The following KLF16 variants were observed in gnomAD, a reference collection of about 807,000 sequenced individuals.
KLF16 encodes the protein Krueppel-like factor 16.
A neutral mutation model predicts 6.1 loss-of-function variants in KLF16; 6 were observed. That is an observed-to-expected ratio of 0.98 (90% CI 0.54 to 1.93). KLF16 has a LOEUF of 1.93. KLF16 is among the 30% of genes most tolerant of loss of function. The pLI, the probability that KLF16 is intolerant of heterozygous loss-of-function variation, is 0.01. For synonymous variants in KLF16, 211 were observed against 176.5 expected (o/e 1.20, Z -1.55); for missense variants, 355 against 363.8 (o/e 0.98, Z 0.20).
chr19:1,856,628 C>T (rs778492656), intron 1 of KLF16, among the ~76,000 whole-genome samples: 6 of 152,212 alleles, frequency 3.9e-5, no homozygotes, highest in Non-Finnish European at 8.8e-5. Context: ...AAGCAAGAGG[C>T]GCAGAGCAGC....
chr19:1,860,599 G>T (rs1003397983), intron 1 of KLF16, among the ~76,000 whole-genome samples: 1 of 152,100 alleles, frequency 6.6e-6, no homozygotes, highest in Non-Finnish European at 1.5e-5. Flanking sequence ...AGCCACCGGT[G>T]ACTCGGGTTC....
At chr19:1,875,285 G>A in the KLF16 span, 1 of 152,250 alleles carries the variant, frequency 6.6e-6, no homozygotes, top group African/African-American at 2.4e-5. Context: ...TACAGGAAAG[G>A]GGATAAAGTC....
In KLF16 at chr19:1,857,610, G is replaced by A. The variant is rs2145365546; in HGVS notation, c.458-2850C>T. 6.6e-6 allele frequency among the ~76,000 whole-genome samples: 1 copy of A among 152,264 alleles called. No individual in the cohort carries two copies. The highest frequency in any genetic ancestry group is 2.1e-4 in the South Asian group (1 of 4,826). ...AGACAGGACTGCGGGACTGTGCCAA[G>A]GGCCCTGGTTCCGACAGGGAAGCCT... On this transcript the variant is annotated intron_variant, in intron 1 of 1. Transcript: ENST00000250916. The surrounding 1 kb of genome is among the most constrained non-coding windows in gnomAD (Gnocchi z 4.7).
the KLF16 span, among the ~76,000 whole-genome samples, chr19:1,870,283 A>G: frequency 6.6e-6 from 1 of 152,082 alleles, no homozygotes; most frequent in Non-Finnish European, 1.5e-5. Flanking sequence ...GACTGGACTG[A>G]ATAATAATAA....
upstream of KLF16, among the ~76,000 whole-genome samples, chr19:1,866,977 C>T (rs555475179): frequency 3.6e-4 from 55 of 152,256 alleles, no homozygotes; most frequent in African/African-American, 1.3e-3. Flanking sequence ...TCCCTGACAG[C>T]GCCCAAGAGG....
chr19:1,860,100 G>A (rs1374330633), intron 1 of KLF16: 5 of 149,664 alleles, frequency 3.3e-5, no homozygotes, highest in Admixed American at 2.6e-4. Flanking sequence ...ACGGTGTGCC[G>A]GGCACTGGCA....
upstream of KLF16, among the ~76,000 whole-genome samples, chr19:1,863,887 C>T (rs1291874718): frequency 6.8e-6 from 1 of 148,026 alleles, no homozygotes; most frequent in East Asian, 2.0e-4. Flanking sequence ...AGCGCGCCTT[C>T]TCCGCGCTAG....
At chr19:1,859,312 G>A (rs1403038318) in intron 1 of KLF16, among the ~76,000 whole-genome samples, 1 of 152,012 alleles carries the variant, frequency 6.6e-6, no homozygotes, top group African/African-American at 2.4e-5. Context: ...CAGAAACCTG[G>A]CAGGCACTCA....
Position 1,854,141 on chromosome 19 carries a change from G to C in KLF16, c.*318C>G, listed in dbSNP as rs1008940986. ...CACCCCCCCAAACCCCACCCCGGGAGGGGGGCAGCAGGGGGTGGTGGAGAG... is the reference window on the plus strand; with the variant it reads ...CACCCCCCCAAACCCCACCCCGGGACGGGGGCAGCAGGGGGTGGTGGAGAG... On this transcript the variant is annotated 3_prime_UTR_variant, in exon 2 of 2. Coordinates refer to ENST00000250916, the MANE Select transcript of KLF16 (RefSeq NM_031918.4). 9.8e-6 allele frequency: 3 copies of C among 307,610 alleles called. No homozygotes were observed. Among genetic ancestry groups the C allele is most frequent in the Non-Finnish European group, 1.8e-5 (3 of 169,274 alleles). The allele number at this position is 307,610 out of a possible 1,614,324, so 19.1% of individuals were successfully genotyped here. A position where few individuals can be genotyped will look rare whatever the true frequency, so the allele number is the denominator to read the frequency against.
Position 1,852,827 on chromosome 19 carries a change from A to T in KLF16, c.*1632T>A, listed in dbSNP as rs2011862499. On this transcript the variant is annotated 3_prime_UTR_variant, in exon 2 of 2. Coordinates refer to ENST00000250916, the MANE Select transcript of KLF16 (RefSeq NM_031918.4). ...GGGCTGGATGGGGCAGGACCCTCCG[A>T]GCCCAGCTCCAGAAGGGCGTCCCCT... The T allele has an allele frequency of 6.6e-6, 1 of 152,096 alleles. No individual in the cohort carries two copies. Among genetic ancestry groups the T allele is most frequent in the African/African-American group, 2.4e-5 (1 of 41,360 alleles). 9.4% of individuals were successfully genotyped at this position (152,096 alleles called of 1,614,324 possible). A position where few individuals can be genotyped will look rare whatever the true frequency, so the allele number is the denominator to read the frequency against.
At chr19:1,856,189 C>T (rs2011946137) in intron 1 of KLF16, among the ~76,000 whole-genome samples, 3 of 151,984 alleles carry the variant, frequency 2.0e-5, no homozygotes, top group Admixed American at 1.3e-4. Flanking sequence ...ACAGAGACGG[C>T]GGGAGGGGCA....
intron 1 of KLF16, chr19:1,861,541 G>T (rs1174445545): frequency 6.6e-6 from 1 of 152,208 alleles, no homozygotes; most frequent in Non-Finnish European, 1.5e-5. Flanking sequence ...AACACCCTGG[G>T]ACCCCTCCGC....
the KLF16 span, among the ~76,000 whole-genome samples, chr19:1,870,454 T>C: frequency 2.6e-5 from 4 of 151,110 alleles, no homozygotes; most frequent in Non-Finnish European, 4.4e-5. Flanking sequence ...GGAGAATCGC[T>C]TAAGGCCAGG....
In KLF16 at chr19:1,854,351, C is replaced by T; in HGVS notation, c.*108G>A. ...ACTCTCTGGAGGGGGGCAGGGGTGT[C>T]TTCAGGGTTTGCCCACGGCTGGAAG... On this transcript the variant is annotated 3_prime_UTR_variant, in exon 2 of 2. Coordinates refer to ENST00000250916, the MANE Select transcript of KLF16 (RefSeq NM_031918.4). 1 of 1,310,148 alleles carries T rather than the reference C, an allele frequency of 7.6e-7. No individual in the cohort carries two copies. The allele number at this position is 1,310,148 out of a possible 1,614,324, so 81.2% of individuals were successfully genotyped here.
chr19:1,865,569 C>G (rs1269404476), upstream of KLF16, among the ~76,000 whole-genome samples: 6 of 152,250 alleles, frequency 3.9e-5, no homozygotes, highest in Non-Finnish European at 8.8e-5. Flanking sequence ...GGTGAGCAGC[C>G]TCCAGGGGTG....
chr19:1,855,413 A>C (rs1047385496), intron 1 of KLF16, among the ~76,000 whole-genome samples: 1 of 146,600 alleles, frequency 6.8e-6, no homozygotes, highest in Non-Finnish European at 1.5e-5. Context: ...AGGAAAGCTC[A>C]CAGGGAGGGG....
chr19:1,868,461 CTTTTTTTTTTTTTTTTTT>C (rs762308559), upstream of KLF16, among the ~76,000 whole-genome samples: 13 of 110,066 alleles, frequency 1.2e-4, no homozygotes, highest in East Asian at 5.3e-4. Flanking sequence ...CAGATTAGGG[CTTTTTTTTTTTTTTTTTT>C]TTTTTTTTTT....
upstream of KLF16, among the ~76,000 whole-genome samples, chr19:1,865,805 CACAG>C (rs926522785): frequency 3.3e-5 from 5 of 152,212 alleles, no homozygotes; most frequent in African/African-American, 1.2e-4. Context: ...CTGCGGTGAA[CACAG>C]ACAAACCTCC....
chr19:1,874,129 A>T, the KLF16 span, among the ~76,000 whole-genome samples: 2 of 152,248 alleles, frequency 1.3e-5, no homozygotes, highest in African/African-American at 4.8e-5. Flanking sequence ...TGAGAATTTT[A>T]TCTCAGTTTG....
Sources: gnomAD v4.1 joint callset for allele counts (sites outside exome capture counted in the v4.1 genomes callset) on GRCh38, gnomAD v4.1.1 for gene constraint, Gnocchi (gnomAD v3.1) non-coding constraint, MANE v1.5 for transcripts, NCBI Gene and HGNC (gene_info 2026-07-23, HGNC 2026-07-21) for gene names.